The following STXBP5L variants were observed in gnomAD, a reference collection of about 807,000 sequenced individuals.
STXBP5L encodes syntaxin binding protein 5L.
STXBP5L carries 65 observed loss-of-function variants against 144.5 expected under a neutral mutation model. The observed-to-expected ratio is 0.45, with a 90% CI of 0.37 to 0.55. The LOEUF is 0.55. STXBP5L is among the 20% of genes least tolerant of loss of function. STXBP5L has a pLI of 0.00. For missense variants in STXBP5L, 1,298 were observed against 1,405.5 expected (o/e 0.92, Z 1.22); for synonymous variants, 505 against 469.6 (o/e 1.08, Z -0.97).
At chr3:120,959,564 A>G (rs1049413938) in intron 3 of STXBP5L, among the ~76,000 whole-genome samples, 4 of 152,180 alleles carry the variant, frequency 2.6e-5, no homozygotes, top group African/African-American at 9.7e-5. Context: ...ATATAGACCA[A>G]TGGAACAGAA....
chr3:121,117,157 A>G (rs1016677002), intron 6 of STXBP5L, among the ~76,000 whole-genome samples: 2 of 151,870 alleles, frequency 1.3e-5, no homozygotes, highest in African/African-American at 4.8e-5. Context: ...TTTAAAATGT[A>G]TATTATAAGG....
intron 22 of STXBP5L, among the ~76,000 whole-genome samples, chr3:121,400,599 T>C (rs544043695): frequency 1.4e-3 from 220 of 152,306 alleles, no homozygotes; most frequent in Middle Eastern, 6.8e-3. Flanking sequence ...TCAAATGTAC[T>C]TAAGTAACTG....
At chr3:120,991,958 T>C (rs572653410) in intron 3 of STXBP5L, among the ~76,000 whole-genome samples, 1 of 152,246 alleles carries the variant, frequency 6.6e-6, no homozygotes, top group South Asian at 2.1e-4. Flanking sequence ...ACTTAAAGTA[T>C]AATAAAAAAA....
chr3:121,384,081 A>C (rs2046375126), intron 22 of STXBP5L, among the ~76,000 whole-genome samples: 2 of 152,184 alleles, frequency 1.3e-5, no homozygotes, highest in South Asian at 4.1e-4. Flanking sequence ...ACTTGAAAAC[A>C]GTCTACTTTG....
chr3:121,305,797 A>G (rs1439806719), intron 19 of STXBP5L, among the ~76,000 whole-genome samples: 3 of 152,170 alleles, frequency 2.0e-5, no homozygotes, highest in Admixed American at 1.3e-4. Context: ...TAAGGACAAA[A>G]AGCAAGATTA....
At position 121,419,269 on chromosome 3, in the gene STXBP5L, G is replaced by T; in HGVS notation, c.*172G>T. ...ATCAGAGACACTGTGCAACCCAAAG[G>T]CTGGAGCCCTGGTTAAAATCCCAAA... is the stretch of plus-strand genomic sequence containing the variant. On this transcript the variant is annotated 3_prime_UTR_variant, in exon 27 of 27. Transcript: ENST00000471454. The T allele has an allele frequency of 1.7e-6, 1 of 599,258 alleles. No homozygotes were observed. Among genetic ancestry groups the T allele is most frequent in the Non-Finnish European group, 2.6e-6 (1 of 378,532 alleles). The allele number at this position is 599,258 out of a possible 1,614,324, so 37.1% of individuals were successfully genotyped here.
chr3:121,366,186 C>A (rs1404730802), intron 20 of STXBP5L, among the ~76,000 whole-genome samples: 1 of 151,904 alleles, frequency 6.6e-6, no homozygotes, highest in Non-Finnish European at 1.5e-5. Flanking sequence ...TTACATATGG[C>A]CTATCCTGGA....
chr3:121,235,389 A>G (rs999620393), intron 12 of STXBP5L, among the ~76,000 whole-genome samples: 1 of 152,018 alleles, frequency 6.6e-6, no homozygotes, highest in African/African-American at 2.4e-5. Flanking sequence ...AATTATTTCT[A>G]TTCTTGATTT....
rs554036341 is a variant in STXBP5L at position 121,151,884 on chromosome 3, A to G, written c.670-593A>G. Among the ~76,000 whole-genome samples the G allele has an allele frequency of 4.6e-5, 7 of 152,204 alleles. No individual in the cohort carries two copies. The South Asian group carries it at 1.0e-3, about 23-fold the overall frequency. ...TCTTAAAGATGATCATATTATAATCATGATATGTTCTAAAATTCTTCTATT... is the reference window on the plus strand; with the variant it reads ...TCTTAAAGATGATCATATTATAATCGTGATATGTTCTAAAATTCTTCTATT... On this transcript the variant is annotated intron_variant, in intron 7 of 26. Coordinates refer to ENST00000471454, the MANE Select transcript of STXBP5L (RefSeq NM_001308330.2).
intron 5 of STXBP5L, among the ~76,000 whole-genome samples, chr3:121,069,921 T>C (rs1560088280): frequency 6.6e-6 from 1 of 152,226 alleles, no homozygotes; most frequent in Non-Finnish European, 1.5e-5. Context: ...GTCTTTTTGA[T>C]GTAGGCATTT....
intron 3 of STXBP5L, among the ~76,000 whole-genome samples, chr3:120,958,956 A>T (rs1438880824): frequency 6.6e-6 from 1 of 152,222 alleles, no homozygotes; most frequent in Admixed American, 6.5e-5. Context: ...GAAAAGAGGA[A>T]TTCAAATTGT....
intron 5 of STXBP5L, among the ~76,000 whole-genome samples, chr3:121,055,029 C>G (rs1322035162): frequency 6.6e-6 from 1 of 152,044 alleles, no homozygotes; most frequent in Non-Finnish European, 1.5e-5. Context: ...ATTATCTCAA[C>G]TGAGTTAGAT....
At chr3:120,987,689 G>T (rs976097014) in intron 3 of STXBP5L, among the ~76,000 whole-genome samples, 2 of 151,434 alleles carry the variant, frequency 1.3e-5, no homozygotes, top group African/African-American at 4.8e-5. Flanking sequence ...GAATATTGAT[G>T]ATTTTTTCCT....
intron 18 of STXBP5L, among the ~76,000 whole-genome samples, chr3:121,263,045 C>T (rs1033786846): frequency 3.9e-5 from 6 of 152,158 alleles, no homozygotes; most frequent in Admixed American, 6.5e-5. Context: ...TGGCATGGGT[C>T]GACAGACACC....
intron 3 of STXBP5L, among the ~76,000 whole-genome samples, chr3:121,029,746 G>A (rs1264652473): frequency 6.6e-6 from 1 of 151,842 alleles, no homozygotes; most frequent in Non-Finnish European, 1.5e-5. Context: ...GAACAGGTAA[G>A]CTACAGAATG....
chr3:121,163,156 G>A (rs1265946944), intron 9 of STXBP5L, among the ~76,000 whole-genome samples: 1 of 152,154 alleles, frequency 6.6e-6, no homozygotes, highest in Non-Finnish European at 1.5e-5. Context: ...CAATAGCAAA[G>A]ACTTGGAACC....
At chr3:121,149,442 C>G (rs1052050399) in intron 7 of STXBP5L, among the ~76,000 whole-genome samples, 4 of 151,894 alleles carry the variant, frequency 2.6e-5, no homozygotes, top group Admixed American at 1.3e-4. Context: ...GATGCTTAGC[C>G]TCTCTACTAT....
intron 6 of STXBP5L, among the ~76,000 whole-genome samples, chr3:121,116,699 A>G (rs778075817): frequency 6.6e-6 from 1 of 152,032 alleles, no homozygotes; most frequent in Non-Finnish European, 1.5e-5. Context: ...TTCTAAAAAC[A>G]TTAATCCTAT....
chr3:121,332,009 C>T (rs374868398), intron 20 of STXBP5L, among the ~76,000 whole-genome samples: 39 of 151,296 alleles, frequency 2.6e-4, no homozygotes, highest in African/African-American at 9.2e-4. Context: ...CCTCTGAAAG[C>T]GCCCAGAGCC....
Sources: allele counts gnomAD v4.1 joint callset (sites outside exome capture counted in the v4.1 genomes callset), GRCh38; gene constraint gnomAD v4.1.1; transcripts MANE v1.5; gene names NCBI Gene and HGNC (gene_info 2026-07-23, HGNC 2026-07-21).